Variants in WIPF2 observed in about 807,000 individuals in gnomAD.
WIPF2 encodes WAS/WASL-interacting protein family member 2.
WIPF2 carries 23 observed loss-of-function variants against 38.8 expected under a neutral mutation model. The observed-to-expected ratio is 0.59, with a 90% CI of 0.43 to 0.84. The LOEUF (loss-of-function observed/expected upper bound fraction) is 0.84. Ranked by LOEUF, WIPF2 falls within the 40% of genes least tolerant of loss-of-function variation. The pLI is 0.00. For synonymous variants in WIPF2, 210 were observed against 223.2 expected, an observed-to-expected ratio of 0.94 and a Z score of 0.53; for missense variants, 574 against 580.5, an observed-to-expected ratio of 0.99 and a Z score of 0.11.
rs369709596 is a variant in WIPF2, at chr17:40,239,045, A to ATTTT, written c.-69-17345_-69-17342dup. ...ACTGTGTCTGGCTTCTGTTTATTTT[A>ATTTT]TTTTATTTATTTATTTATTTATTTA... is the stretch of plus-strand genomic sequence containing the variant. On this transcript the variant is annotated intron_variant, in intron 1 of 7. Transcript: ENST00000323571. Among the ~76,000 whole-genome samples the ATTTT allele has an allele frequency of 9.8e-5, 12 of 122,592 alleles. No homozygotes were observed. In the East Asian group the frequency reaches 1.7e-3, roughly 17 times the overall value. 80.4% of individuals were successfully genotyped at this position (122,592 alleles called of 152,430 possible).
In WIPF2 at chr17:40,256,372, GTTTC is replaced by G. The variant is rs1051981266; in HGVS notation, c.-69-15_-69-12del. On this transcript the variant is annotated splice_polypyrimidine_tract_variant and intron_variant, in intron 1 of 7. Coordinates refer to ENST00000323571, the MANE Select transcript of WIPF2 (RefSeq NM_133264.5). The stretch of plus-strand genomic sequence containing the variant: ...CTAATGGTAAAGCTGTTCTTAATGA[GTTTC>G]TTTTTCATTTGCAGGTATATGAATG... 2.4e-5 allele frequency: 37 copies of G among 1,553,042 alleles called. No homozygotes were observed. The highest frequency in any genetic ancestry group is 3.1e-5 in the Non-Finnish European group (36 of 1,159,588).
chr17:40,226,690 G>C (rs1004329830), intron 1 of WIPF2, among the ~76,000 whole-genome samples: 1 of 152,076 alleles, frequency 6.6e-6, no homozygotes, highest in African/African-American at 2.4e-5. Flanking sequence ...CCTTGTCTTA[G>C]AAATAAGAAC....
rs757960999 is a variant in WIPF2, at chr17:40,262,604, G to A, written c.276G>A (p.Val92=). 1 of 1,613,856 alleles carries A rather than the reference G, an allele frequency of 6.2e-7. No individual in the cohort carries two copies. Among genetic ancestry groups the A allele is most frequent in the African/African-American group, 1.3e-5 (1 of 74,932 alleles). ...QPKGGLFQGG[V]LKLRPVGAKD... Reference sequence around the variant, plus strand: ...AGGGAGGTCTCTTCCAAGGAGGAGTGCTGAAGCTTCGACCTGTGGGAGCCA... The same window carrying A: ...AGGGAGGTCTCTTCCAAGGAGGAGTACTGAAGCTTCGACCTGTGGGAGCCA... Residue 92 remains valine, a synonymous_variant, in exon 4 of 8, where the codon GTG becomes GTA. Coordinates refer to ENST00000323571, the MANE Select transcript of WIPF2 (RefSeq NM_133264.5).
intron 1 of WIPF2, chr17:40,220,606 T>TTTTTG (rs1567705843): frequency 2.5e-5 from 3 of 121,636 alleles, no homozygotes; most frequent in African/African-American, 1.1e-4. Flanking sequence ...TATATATATA[T>TTTTTG]ATATATATAT....
intron 1 of WIPF2, among the ~76,000 whole-genome samples, chr17:40,245,027 T>C (rs962036293): frequency 6.6e-6 from 1 of 152,152 alleles, no homozygotes; most frequent in Non-Finnish European, 1.5e-5. Context: ...GCAGCTGTAG[T>C]CCCAGCTACT....
intron 1 of WIPF2, among the ~76,000 whole-genome samples, chr17:40,233,809 A>T (rs939748077): frequency 2.3e-4 from 35 of 152,070 alleles, no homozygotes; most frequent in Middle Eastern, 3.4e-3. Flanking sequence ...CACACCTGTA[A>T]TCTGAACACT....
chr17:40,235,629 A>G (rs2030937470), intron 1 of WIPF2, among the ~76,000 whole-genome samples: 2 of 145,680 alleles, frequency 1.4e-5, no homozygotes, highest in Admixed American at 1.4e-4. Flanking sequence ...GCTGGAGTGC[A>G]ATGGCACGAT....
At chr17:40,277,685 A>C (rs2032444042) in intron 7 of WIPF2, among the ~76,000 whole-genome samples, 2 of 149,038 alleles carry the variant, frequency 1.3e-5, no homozygotes, top group African/African-American at 5.1e-5. Flanking sequence ...CGTCTCAAAA[A>C]AAAAGAAAAA....
chr17:40,250,299 C>T (rs541678076), intron 1 of WIPF2, among the ~76,000 whole-genome samples: 14 of 122,976 alleles, frequency 1.1e-4, no homozygotes, highest in African/African-American at 1.6e-4. Context: ...GGCGCATTCT[C>T]GGCTCACTGC....
In WIPF2 at chr17:40,219,326, A is replaced by G; in HGVS notation, c.-236A>G. On this transcript the variant is annotated 5_prime_UTR_variant, in exon 1 of 8. Coordinates refer to ENST00000323571, the MANE Select transcript of WIPF2 (RefSeq NM_133264.5). ...TCCATTTTGTTCGCGGACGCTGGGG[A>G]CGGTGGGAGCAGATCCATTTCCGGG... 1 of 312,136 alleles carries G rather than the reference A, an allele frequency of 3.2e-6. No individual in the cohort carries two copies. The highest frequency in any genetic ancestry group is 6.6e-5 in the East Asian group (1 of 15,258). The allele number at this position is 312,136 out of a possible 1,614,324, so 19.3% of individuals were successfully genotyped here.
chr17:40,274,792 A>T (rs1598502122), intron 6 of WIPF2, among the ~76,000 whole-genome samples: 1 of 151,228 alleles, frequency 6.6e-6, no homozygotes, highest in East Asian at 1.9e-4. Context: ...AAAATACAAA[A>T]ATTAGCTGGG....
intron 2 of WIPF2, among the ~76,000 whole-genome samples, chr17:40,257,526 C>A (rs2031764019): frequency 6.6e-6 from 1 of 151,762 alleles, no homozygotes; most frequent in South Asian, 2.1e-4. Context: ...AAGGAAGGAA[C>A]CTGAGGCCAG....
intron 1 of WIPF2, among the ~76,000 whole-genome samples, chr17:40,235,396 A>T (rs774229644): frequency 6.6e-6 from 1 of 152,090 alleles, no homozygotes; most frequent in Non-Finnish European, 1.5e-5. Flanking sequence ...TTCCCTAGAC[A>T]TAGTAATTGT....
intron 1 of WIPF2, among the ~76,000 whole-genome samples, chr17:40,244,316 C>T (rs1471517372): frequency 6.6e-6 from 1 of 152,076 alleles, no homozygotes; most frequent in East Asian, 1.9e-4. Context: ...CATGTGACTA[C>T]TCTTAGGCAG....
chr17:40,249,225 C>T (rs190684537), intron 1 of WIPF2, among the ~76,000 whole-genome samples: 64 of 152,138 alleles, frequency 4.2e-4, no homozygotes, highest in Admixed American at 2.1e-3. Context: ...TGAATAAAGG[C>T]CCCAGATTGT....
intron 1 of WIPF2, among the ~76,000 whole-genome samples, chr17:40,255,983 A>T (rs2031713539): frequency 6.6e-6 from 1 of 151,628 alleles, no homozygotes; most frequent in Admixed American, 6.6e-5. Context: ...AGTCCCAGCT[A>T]CTTGAGAGGC....
At chr17:40,255,174 T>TA (rs1459345607) in intron 1 of WIPF2, among the ~76,000 whole-genome samples, 1 of 151,864 alleles carries the variant, frequency 6.6e-6, no homozygotes, top group East Asian at 1.9e-4. Context: ...AACTCAACAA[T>TA]AAAAAAGCAA....
At chr17:40,234,092 G>A (rs2030857113) in intron 1 of WIPF2, among the ~76,000 whole-genome samples, 1 of 151,570 alleles carries the variant, frequency 6.6e-6, no homozygotes, top group Non-Finnish European at 1.5e-5. Context: ...AAACAGGCCA[G>A]GCACAGTGGC....
At chr17:40,239,745 G>T (rs1447591543) in intron 1 of WIPF2, among the ~76,000 whole-genome samples, 4 of 132,754 alleles carry the variant, frequency 3.0e-5, no homozygotes, top group African/African-American at 1.1e-4. Flanking sequence ...TCTCTAGGCT[G>T]GAGTGCAGTG....
Sources: allele counts gnomAD v4.1 joint callset (sites outside exome capture counted in the v4.1 genomes callset), GRCh38; gene constraint gnomAD v4.1.1; transcripts MANE v1.5; gene names NCBI Gene and HGNC (gene_info 2026-07-23, HGNC 2026-07-21).